WARS2: variants seen among roughly 807,000 people sequenced by gnomAD.
WARS2 encodes the protein tryptophan--tRNA ligase, mitochondrial.
In WARS2, 28 loss-of-function variants were observed where a neutral mutation model predicts 36.5. The observed-to-expected ratio is 0.77, with a 90% CI of 0.57 to 1.05. The LOEUF (loss-of-function observed/expected upper bound fraction) is 1.05, where lower values mean the gene tolerates loss of function less well. WARS2 is among the 50% of genes least tolerant of loss of function. WARS2 has a pLI of 0.00. For synonymous variants in WARS2, 174 were observed against 178.4 expected, an observed-to-expected ratio of 0.98 and a Z score of 0.20; for missense variants, 435 against 456.8, an observed-to-expected ratio of 0.95 and a Z score of 0.44.
chr1:119,117,852 C>T (rs1243126001), intron 1 of WARS2, among the ~76,000 whole-genome samples: 3 of 152,136 alleles, frequency 2.0e-5, no homozygotes, highest in Non-Finnish European at 4.4e-5. Flanking sequence ...GTCTGGCTCT[C>T]AGGAAGCCCT....
intron 1 of WARS2, among the ~76,000 whole-genome samples, chr1:119,114,740 T>G (rs1232788616): frequency 1.3e-5 from 2 of 152,158 alleles, no homozygotes; most frequent in Non-Finnish European, 2.9e-5. Context: ...AGAGACAAAA[T>G]AGCAATTCCC....
intron 1 of WARS2, 72 bp from the exon 2 acceptor site, chr1:119,076,679 A>G (rs1651764773): frequency 6.4e-7 from 1 of 1,566,512 alleles, no homozygotes; most frequent in Non-Finnish European, 8.6e-7. Flanking sequence ...ATGTTATCAT[A>G]GCTATGGGAG....
At position 119,114,645 on chromosome 1, in the gene WARS2, T is replaced by C. The variant is rs773821148; in HGVS notation, c.90+25910A>G. On this transcript the variant is annotated intron_variant, in intron 1 of 5. Coordinates refer to ENST00000235521, the MANE Select transcript of WARS2 (RefSeq NM_015836.4). Reference sequence around the variant, plus strand: ...GGGAGTTGTCCTAGTAATCAGAGTATAGTTGAGGACCATTACTGTCCACAA... The same window carrying C: ...GGGAGTTGTCCTAGTAATCAGAGTACAGTTGAGGACCATTACTGTCCACAA... Among the ~76,000 whole-genome samples the C allele has an allele frequency of 7.2e-5, 11 of 152,164 alleles. No homozygotes were observed. In the South Asian group the frequency reaches 1.9e-3, roughly 26 times the overall value.
At chr1:119,093,622 AG>A (rs1380494696) in intron 1 of WARS2, among the ~76,000 whole-genome samples, 1 of 152,074 alleles carries the variant, frequency 6.6e-6, no homozygotes, top group African/African-American at 2.4e-5. Context: ...ACCAGCGGCT[AG>A]GAAGAGACAA....
chr1:119,105,109 A>C (rs1376536804), intron 1 of WARS2, among the ~76,000 whole-genome samples: 1 of 152,148 alleles, frequency 6.6e-6, no homozygotes, highest in Non-Finnish European at 1.5e-5. Context: ...TTGGCAAGCA[A>C]ATGGAGAGAT....
intron 1 of WARS2, among the ~76,000 whole-genome samples, chr1:119,113,980 A>C (rs1032774210): frequency 2.0e-5 from 3 of 152,196 alleles, no homozygotes; most frequent in Admixed American, 1.3e-4. Context: ...AAGAAACAAC[A>C]GTAGTAAATA....
chr1:119,101,215 T>G (rs1057310039), intron 1 of WARS2, among the ~76,000 whole-genome samples: 2 of 152,146 alleles, frequency 1.3e-5, no homozygotes, highest in African/African-American at 4.8e-5. Context: ...CTAAGTACCC[T>G]TACTTGATCA....
intron 1 of WARS2, among the ~76,000 whole-genome samples, chr1:119,131,608 G>A (rs1410440024): frequency 2.6e-5 from 4 of 151,886 alleles, no homozygotes; most frequent in Non-Finnish European, 4.4e-5. Context: ...GACTGCAGGC[G>A]CCCGCCACCA....
rs1647565392 is a variant in WARS2, at chr1:119,033,075, C to T, written c.919G>A (p.Ala307Thr). The T allele has an allele frequency of 6.2e-7, 1 of 1,614,122 alleles. No individual in the cohort carries two copies. The highest frequency in any genetic ancestry group is 1.7e-5 in the Admixed American group (1 of 60,012). The stretch of plus-strand genomic sequence containing the variant: ...GCAAACTTCTCAATCACAGCATCTG[C>T]CACGGCCAGCTTGTAGCGAGCAGTG... ...MNTARYKLAVADAVIEKFAPI... is the reference protein window; with the variant it reads ...MNTARYKLAVTDAVIEKFAPI... Residue 307 changes from alanine to threonine, a missense_variant, in exon 6 of 6, where the codon GCA becomes ACA. By Grantham distance (58) the Ala-to-Thr change is moderately conservative. Coordinates refer to ENST00000235521, the MANE Select transcript of WARS2 (RefSeq NM_015836.4).
chr1:119,035,896 C>T (rs376898504), intron 4 of WARS2, among the ~76,000 whole-genome samples: 3 of 152,108 alleles, frequency 2.0e-5, no homozygotes, highest in East Asian at 3.9e-4. Context: ...AGTGGTTTCT[C>T]TTCTTCTAAG....
At chr1:119,136,725 A>G (rs1045037343) in intron 1 of WARS2, among the ~76,000 whole-genome samples, 1 of 152,250 alleles carries the variant, frequency 6.6e-6, no homozygotes, top group Admixed American at 6.5e-5. Flanking sequence ...GAAACCTACA[A>G]TAACAAATAC....
chr1:119,038,267 G>A (rs1648043610), intron 4 of WARS2, among the ~76,000 whole-genome samples: 3 of 152,176 alleles, frequency 2.0e-5, no homozygotes, highest in Non-Finnish European at 2.9e-5. Context: ...ATGTGGATAT[G>A]AGCAGACTAC....
chr1:119,056,814 C>T (rs1649857346), intron 2 of WARS2, among the ~76,000 whole-genome samples: 1 of 151,968 alleles, frequency 6.6e-6, no homozygotes, highest in South Asian at 2.1e-4. Context: ...AATATAAACT[C>T]TTATGCTTGG....
intron 2 of WARS2, among the ~76,000 whole-genome samples, chr1:119,051,506 G>A (rs1649348934): frequency 6.6e-6 from 1 of 152,128 alleles, no homozygotes; most frequent in South Asian, 2.1e-4. Context: ...ACATATGTGT[G>A]CATGTATCTT....
At chr1:119,116,796 C>A (rs6664959) in intron 1 of WARS2, among the ~76,000 whole-genome samples, 1 of 151,994 alleles carries the variant, frequency 6.6e-6, no homozygotes, top group Non-Finnish European at 1.5e-5. Context: ...GAGAAGGAAA[C>A]GCAGCCAGTG....
chr1:119,051,626 C>T (rs1466749241), intron 2 of WARS2, among the ~76,000 whole-genome samples: 1 of 152,100 alleles, frequency 6.6e-6, no homozygotes, highest in Non-Finnish European at 1.5e-5. Context: ...CTACTTTCCA[C>T]AATGGTTGAA....
chr1:119,125,809 A>G (rs996459359), intron 1 of WARS2, among the ~76,000 whole-genome samples: 4 of 152,214 alleles, frequency 2.6e-5, no homozygotes, highest in African/African-American at 9.6e-5. Context: ...GTTCTCCAAG[A>G]GAGTTCAATT....
At chr1:119,124,736 G>C (rs188283878) in intron 1 of WARS2, among the ~76,000 whole-genome samples, 96 of 152,048 alleles carry the variant, frequency 6.3e-4, no homozygotes, top group Middle Eastern at 3.4e-3. Flanking sequence ...ATCAGATCAG[G>C]TTATTCTCCC....
At chr1:119,085,802 G>A (rs2101377223) in intron 1 of WARS2, 7 of 1,608,194 alleles carry the variant, frequency 4.4e-6, no homozygotes, top group Admixed American at 1.7e-5. Flanking sequence ...CACAGATGAT[G>A]TCCCCTTCAG....
Sources: allele counts gnomAD v4.1 joint callset (sites outside exome capture counted in the v4.1 genomes callset), GRCh38; gene constraint gnomAD v4.1.1; transcripts MANE v1.5; gene names NCBI Gene and HGNC (gene_info 2026-07-23, HGNC 2026-07-21).